Variants in KCNT2 observed in about 807,000 individuals in gnomAD.
The protein encoded by KCNT2 is potassium channel subfamily T member 2.
Under a neutral mutation model 153.8 loss-of-function variants are expected in KCNT2, and 67 were observed. The observed-to-expected ratio is 0.44, with a 90% CI of 0.36 to 0.53. The LOEUF (loss-of-function observed/expected upper bound fraction) is 0.53. Ranked by LOEUF, KCNT2 falls within the 20% of genes least tolerant of loss-of-function variation. KCNT2 has a pLI of 0.00. For synonymous variants in KCNT2, 500 were observed against 458.8 expected (o/e 1.09, Z -1.15); for missense variants, 975 against 1,354.8 (o/e 0.72, Z 4.40).
intron 3 of KCNT2, 57 bp downstream of exon 3, chr1:196,489,781 G>T: frequency 2.1e-6 from 2 of 935,760 alleles, no homozygotes; most frequent in South Asian, 1.5e-5. Context: ...TTTAAAATGT[G>T]ATACAACTCA....
chr1:196,369,306 A>G (rs963948006), intron 14 of KCNT2, among the ~76,000 whole-genome samples: 1 of 152,026 alleles, frequency 6.6e-6, no homozygotes, highest in Non-Finnish European at 1.5e-5. Flanking sequence ...CTAAAGAATA[A>G]ATTTTTTTTT....
At chr1:196,327,735 T>C (rs1028904035) in intron 18 of KCNT2, among the ~76,000 whole-genome samples, 2 of 149,406 alleles carry the variant, frequency 1.3e-5, no homozygotes, top group African/African-American at 5.0e-5. Context: ...GGTGCAATCA[T>C]CGCTCACTGA....
chr1:196,395,293 T>C (rs1372862650), intron 13 of KCNT2, among the ~76,000 whole-genome samples: 2 of 151,660 alleles, frequency 1.3e-5, no homozygotes, highest in African/African-American at 2.4e-5. Context: ...TGGGAAGATA[T>C]ATTTTCTATT....
intron 12 of KCNT2, among the ~76,000 whole-genome samples, chr1:196,417,340 C>T (rs1190487497): frequency 6.6e-6 from 1 of 152,004 alleles, no homozygotes; most frequent in African/African-American, 2.4e-5. Flanking sequence ...TGATTTTTTC[C>T]TAGACCAAGA....
At chr1:196,338,094 A>G (rs559465601) in intron 16 of KCNT2, among the ~76,000 whole-genome samples, 48 of 152,256 alleles carry the variant, frequency 3.2e-4, no homozygotes, top group South Asian at 6.2e-4. Context: ...AAATAAGTAA[A>G]TGACAAATAG....
intron 8 of KCNT2, among the ~76,000 whole-genome samples, chr1:196,437,223 A>G: frequency 8.6e-6 from 1 of 116,678 alleles, no homozygotes; most frequent in African/African-American, 3.2e-5. Context: ...AAGTATTTTA[A>G]GAAAGCTTAT....
At chr1:196,354,107 A>AT (rs547554772) in intron 14 of KCNT2, among the ~76,000 whole-genome samples, 1 of 151,626 alleles carries the variant, frequency 6.6e-6, no homozygotes, top group Admixed American at 6.6e-5. Flanking sequence ...AGTAGAATTT[A>AT]TTTTTTTTAA....
chr1:196,314,647 G>T (rs187201137), intron 21 of KCNT2, among the ~76,000 whole-genome samples: 1 of 151,596 alleles, frequency 6.6e-6, no homozygotes, highest in Admixed American at 6.6e-5. Context: ...ACACTGCAAG[G>T]TCGGTTATTT....
At chr1:196,273,776 C>T (rs905028947) in intron 25 of KCNT2, among the ~76,000 whole-genome samples, 1 of 151,630 alleles carries the variant, frequency 6.6e-6, no homozygotes, top group Non-Finnish European at 1.5e-5. Flanking sequence ...ATGGTTATTC[C>T]ACTATGCACA....
chr1:196,384,998 A>G (rs988052938), intron 13 of KCNT2, among the ~76,000 whole-genome samples: 15 of 152,116 alleles, frequency 9.9e-5, no homozygotes, highest in African/African-American at 3.6e-4. Flanking sequence ...TATTCACTTA[A>G]TAACCCAAAT....
rs1480624022 is a variant in KCNT2, at chr1:196,550,814, A to T, written c.95+57401T>A. Reference sequence around the variant, plus strand: ...AGGCTATGGGGGCAGTAGAAGGGTAAAAAATGATACCAGGAAGCTCTGAGA... The same window carrying T: ...AGGCTATGGGGGCAGTAGAAGGGTATAAAATGATACCAGGAAGCTCTGAGA... On this transcript the variant is annotated intron_variant, in intron 1 of 27. Transcript: ENST00000294725. Among the ~76,000 whole-genome samples the T allele has an allele frequency of 2.0e-5, 3 of 151,780 alleles. No homozygotes were observed. In the Admixed American group the frequency reaches 2.0e-4, roughly 10 times the overall value.
chr1:196,240,063 TAAACC>T (rs1205738608), intron 26 of KCNT2, among the ~76,000 whole-genome samples: 5 of 151,998 alleles, frequency 3.3e-5, no homozygotes, highest in Admixed American at 2.0e-4. Flanking sequence ...TTCTAGTGTT[TAAACC>T]ATGCACTCTG....
At chr1:196,435,182 T>TATATAC (rs1674544323) in intron 8 of KCNT2, among the ~76,000 whole-genome samples, 1 of 130,914 alleles carries the variant, frequency 7.6e-6, no homozygotes, top group Admixed American at 7.9e-5. Flanking sequence ...TATATATATA[T>TATATAC]GAATATGGAC....
At chr1:196,374,766 G>T (rs1338548824) in intron 13 of KCNT2, among the ~76,000 whole-genome samples, 1 of 151,644 alleles carries the variant, frequency 6.6e-6, no homozygotes, top group Non-Finnish European at 1.5e-5. Context: ...TGACAAAACT[G>T]CTAAACCCGG....
intron 25 of KCNT2, 135 bp downstream of exon 25, chr1:196,280,725 G>A (rs752854523): frequency 4.8e-6 from 4 of 840,444 alleles, no homozygotes; most frequent in African/African-American, 1.7e-5. Context: ...TTGGTTCTGA[G>A]ATTTAACACT....
At chr1:196,477,211 T>C (rs1481077204) in intron 5 of KCNT2, among the ~76,000 whole-genome samples, 1 of 152,040 alleles carries the variant, frequency 6.6e-6, no homozygotes, top group Admixed American at 6.6e-5. Context: ...GAAAAAAGGG[T>C]GAGTTTGTAA....
At chr1:196,507,997 T>C (rs915816519) in intron 1 of KCNT2, among the ~76,000 whole-genome samples, 1 of 151,668 alleles carries the variant, frequency 6.6e-6, no homozygotes, top group Non-Finnish European at 1.5e-5. Context: ...CTTATTAGGA[T>C]GGTGCAGTAA....
intron 18 of KCNT2, among the ~76,000 whole-genome samples, chr1:196,330,011 G>A (rs1449558533): frequency 2.4e-5 from 3 of 123,368 alleles, no homozygotes; most frequent in African/African-American, 1.0e-4. Flanking sequence ...TATATATTCA[G>A]TCTTGAGGGA....
chr1:196,333,785 A>T (rs1049007464), intron 17 of KCNT2, 62 bp downstream of exon 17: 1 of 978,208 alleles, frequency 1.0e-6, no homozygotes, highest in African/African-American at 1.6e-5. Context: ...TATGTAAAGA[A>T]AATACTTAAG....
Sources: gnomAD v4.1 joint callset for allele counts (sites outside exome capture counted in the v4.1 genomes callset) on GRCh38, gnomAD v4.1.1 for gene constraint, MANE v1.5 for transcripts, NCBI Gene and HGNC (gene_info 2026-07-23, HGNC 2026-07-21) for gene names.